GTF2F2: variants seen among roughly 807,000 people sequenced by gnomAD.
GTF2F2 encodes general transcription factor IIF subunit 2.
GTF2F2 carries 23 observed loss-of-function variants against 42.2 expected under a neutral mutation model. The observed-to-expected ratio is 0.55, with a 90% CI of 0.39 to 0.77. The LOEUF is 0.77. Among genes scored for constraint, GTF2F2 ranks in the 30% least tolerant of loss-of-function variants. The probability of loss-of-function intolerance (pLI) is 0.00; values close to 1 mark genes in which losing one functional copy is unlikely to be tolerated. For synonymous variants in GTF2F2, 105 were observed against 100.8 expected (o/e 1.04, Z -0.25); for missense variants, 261 against 287.2 (o/e 0.91, Z 0.66).
At chr13:45,122,651 TAAAA>T (rs75556609) in intron 1 of GTF2F2, among the ~76,000 whole-genome samples, 3 of 151,574 alleles carry the variant, frequency 2.0e-5, no homozygotes, top group Non-Finnish European at 4.4e-5. Flanking sequence ...ATAAATAAAT[TAAAA>T]AAAAGTGTAA....
chr13:45,256,947 A>C (rs1276118742), intron 6 of GTF2F2, among the ~76,000 whole-genome samples: 1 of 152,188 alleles, frequency 6.6e-6, no homozygotes, highest in African/African-American at 2.4e-5. Context: ...TTGTACAAAA[A>C]AGTGAAAGAG....
At chr13:45,265,258 C>CA (rs1047526303) in intron 6 of GTF2F2, among the ~76,000 whole-genome samples, 1,703 of 132,390 alleles carry the variant, frequency 0.013, 44 homozygotes, top group East Asian at 0.083. Context: ...GACACCATTT[C>CA]AAAAAAAAAA....
chr13:45,160,713 T>C (rs1171204900), intron 4 of GTF2F2, among the ~76,000 whole-genome samples: 3 of 152,086 alleles, frequency 2.0e-5, no homozygotes, highest in Non-Finnish European at 4.4e-5. Context: ...CTTCAGACTT[T>C]AATTTTCACT....
At position 45,284,692 on chromosome 13, in the gene GTF2F2, TAATAAA is replaced by T. The variant is rs1286568673; in HGVS notation, c.*1137_*1142del. ...GTTTGCAGGAAAAAAAGAGAAAAAA[TAATAAA>T]AATAAGGAAGGAGCAATGCCAAAAA... On this transcript the variant is annotated 3_prime_UTR_variant, in exon 8 of 8. Transcript: ENST00000340473. 3 of 151,890 alleles carry T rather than the reference TAATAAA, an allele frequency of 2.0e-5. No homozygotes were observed. The highest frequency in any genetic ancestry group is 7.3e-5 in the African/African-American group (3 of 41,368). 9.4% of individuals were successfully genotyped at this position (151,890 alleles called of 1,614,324 possible). A position where few individuals can be genotyped will look rare whatever the true frequency, so the allele number is the denominator to read the frequency against.
chr13:45,181,026 G>A (rs553528722), intron 4 of GTF2F2, among the ~76,000 whole-genome samples: 193 of 152,012 alleles, frequency 1.3e-3, no homozygotes, highest in African/African-American at 4.5e-3. Context: ...GCCAGGCATA[G>A]TGGTACGTGC....
rs1047347380 is a variant in GTF2F2, at chr13:45,204,310, G to A, written c.305-3114G>A. ...TTTAAGAAAGTCTACGCTCCTTGAG[G>A]GTAGGAGCCGTGTTTCATTTGTTAT... On this transcript the variant is annotated intron_variant, in intron 4 of 7. Coordinates refer to ENST00000340473, the MANE Select transcript of GTF2F2 (RefSeq NM_004128.3). Among the ~76,000 whole-genome samples the A allele has an allele frequency of 6.6e-5, 10 of 152,244 alleles. No individual in the cohort carries two copies. In the South Asian group the frequency reaches 1.0e-3, roughly 16 times the overall value.
intron 6 of GTF2F2, among the ~76,000 whole-genome samples, chr13:45,255,255 A>T (rs1346579682): frequency 6.6e-6 from 1 of 151,540 alleles, no homozygotes; most frequent in Non-Finnish European, 1.5e-5. Flanking sequence ...CTACTACTTT[A>T]TGATATTTGA....
intron 2 of GTF2F2, 69 bp downstream of exon 2, chr13:45,136,875 G>T: frequency 1.2e-6 from 1 of 845,244 alleles, no homozygotes; most frequent in Middle Eastern, 2.8e-4. Context: ...GCTTTTAAAA[G>T]TGATTATAAT....
intron 3 of GTF2F2, among the ~76,000 whole-genome samples, chr13:45,151,107 T>G (rs1182986525): frequency 6.6e-6 from 1 of 152,168 alleles, no homozygotes; most frequent in Non-Finnish European, 1.5e-5. Context: ...ATAGGTAGTT[T>G]TTTAACCCTT....
At chr13:45,267,137 A>C in intron 6 of GTF2F2, 96 bp from the exon 7 acceptor site, 1 of 1,056,068 alleles carries the variant, frequency 9.5e-7, no homozygotes. Context: ...CAACAAGAGC[A>C]AAACTCTGTC....
Position 45,217,023 on chromosome 13 carries a change from G to A in GTF2F2, c.386+9518G>A, listed in dbSNP as rs904222500. On this transcript the variant is annotated intron_variant, in intron 5 of 7. Coordinates refer to ENST00000340473, the MANE Select transcript of GTF2F2 (RefSeq NM_004128.3). ...CTTTAAGATTCAGCTCAAATGGGCC[G>A]GGCGCAGTGGCTCACGCCTGTAATC... Among the ~76,000 whole-genome samples the A allele has an allele frequency of 7.7e-4, 117 of 151,658 alleles. 1 individual carries two copies. Among genetic ancestry groups the A allele is most frequent in the Admixed American group, 5.3e-4 (8 of 15,226 alleles).
chr13:45,282,515 G>GT (rs1877307183), intron 7 of GTF2F2, among the ~76,000 whole-genome samples: 1 of 152,068 alleles, frequency 6.6e-6, no homozygotes, highest in Non-Finnish European at 1.5e-5. Flanking sequence ...TTATTTATTT[G>GT]TTTTTTGAGA....
At chr13:45,142,240 C>T (rs575255050) in intron 2 of GTF2F2, among the ~76,000 whole-genome samples, 1 of 152,312 alleles carries the variant, frequency 6.6e-6, no homozygotes, top group South Asian at 2.1e-4. Context: ...GATCTCGGCT[C>T]ACTGCAACCT....
intron 1 of GTF2F2, among the ~76,000 whole-genome samples, chr13:45,130,933 G>A (rs1342511189): frequency 6.6e-6 from 1 of 152,146 alleles, no homozygotes; most frequent in Non-Finnish European, 1.5e-5. Flanking sequence ...TTAAAGCCAC[G>A]AGACTGGATG....
chr13:45,257,807 C>T (rs1397447764), intron 6 of GTF2F2, among the ~76,000 whole-genome samples: 5 of 152,116 alleles, frequency 3.3e-5, no homozygotes, highest in Admixed American at 2.0e-4. Context: ...GCTAGTCGGT[C>T]GTTTTTCAGC....
intron 6 of GTF2F2, among the ~76,000 whole-genome samples, chr13:45,259,689 G>A (rs1434015494): frequency 4.1e-5 from 4 of 96,680 alleles, no homozygotes; most frequent in African/African-American, 8.4e-5. Flanking sequence ...ACAGAGTCTC[G>A]CCCTGTTGCC....
intron 4 of GTF2F2, among the ~76,000 whole-genome samples, chr13:45,184,414 G>C (rs768994341): frequency 6.7e-6 from 1 of 148,660 alleles, no homozygotes; most frequent in Non-Finnish European, 1.5e-5. Flanking sequence ...TTTGAGACAG[G>C]GTCTTGCTCT....
At chr13:45,279,187 G>A (rs891249925) in intron 7 of GTF2F2, among the ~76,000 whole-genome samples, 5 of 152,286 alleles carry the variant, frequency 3.3e-5, no homozygotes, top group African/African-American at 1.2e-4. Context: ...CTGAGAGGAA[G>A]ACTGAGTGTC....
At chr13:45,236,133 A>G (rs1320696178) in intron 5 of GTF2F2, among the ~76,000 whole-genome samples, 1 of 152,188 alleles carries the variant, frequency 6.6e-6, no homozygotes, top group African/African-American at 2.4e-5. Flanking sequence ...AGAATATTCA[A>G]GGGCTTGGCA....
Sources: allele counts gnomAD v4.1 joint callset (sites outside exome capture counted in the v4.1 genomes callset), GRCh38; gene constraint gnomAD v4.1.1; transcripts MANE v1.5; gene names NCBI Gene and HGNC (gene_info 2026-07-23, HGNC 2026-07-21).